The following SLC36A1 variants were observed in gnomAD, a reference collection of about 807,000 sequenced individuals.
The protein encoded by SLC36A1 is proton-coupled amino acid transporter 1.
A neutral mutation model predicts 47.5 loss-of-function variants in SLC36A1; 30 were observed. That is an observed-to-expected ratio of 0.63 (90% CI 0.47 to 0.86). SLC36A1 has a LOEUF of 0.86. Ranked by LOEUF, SLC36A1 falls within the 40% of genes least tolerant of loss-of-function variation. The probability of loss-of-function intolerance (pLI) is 0.00; values close to 1 mark genes in which losing one functional copy is unlikely to be tolerated. For synonymous variants in SLC36A1, 255 were observed against 249.7 expected (o/e 1.02, Z -0.20); for missense variants, 517 against 606.0 (o/e 0.85, Z 1.54).
chr5:151,542,892 G>A, the SLC36A1 span: 1 of 1,614,158 alleles, frequency 6.2e-7, no homozygotes, highest in East Asian at 2.2e-5. Flanking sequence ...TGACCCCTGT[G>A]TCTGGGTCTA....
the SLC36A1 span, chr5:151,381,001 G>A: frequency 1.0e-5 from 4 of 386,684 alleles, no homozygotes; most frequent in South Asian, 8.8e-5. Context: ...GAGGGGCCAG[G>A]CTGACAGACT....
the SLC36A1 span, among the ~76,000 whole-genome samples, chr5:151,357,336 G>A: frequency 6.6e-6 from 1 of 152,232 alleles, no homozygotes; most frequent in Non-Finnish European, 1.5e-5. Flanking sequence ...ACCCATCATT[G>A]TTCTTGGCAC....
At position 151,463,633 on chromosome 5, in the gene SLC36A1, C is replaced by A. The variant is rs767489274; in HGVS notation, c.224C>A (p.Ala75Glu). ...LLGLPLAVKNAGIVMGPISLL... is the reference protein window; with the variant it reads ...LLGLPLAVKNEGIVMGPISLL... Reference sequence around the variant, plus strand: ...GGACTCCCTCTGGCGGTGAAAAATGCAGGCATCGTGGTAAGGGTCTGCATC... The same window carrying A: ...GGACTCCCTCTGGCGGTGAAAAATGAAGGCATCGTGGTAAGGGTCTGCATC... The change falls in exon 3 of 11, where the codon GCA becomes GAA. Residue 75 changes from alanine to glutamate, a missense_variant. By Grantham distance (107) the Ala-to-Glu change is moderately radical. Coordinates refer to ENST00000243389, the MANE Select transcript of SLC36A1 (RefSeq NM_078483.4). 1.9e-6 allele frequency: 3 copies of A among 1,613,978 alleles called. No individual in the cohort carries two copies. In the East Asian group the frequency reaches 6.7e-5, roughly 36 times the overall value.
chr5:151,394,136 G>T, the SLC36A1 span, among the ~76,000 whole-genome samples: 1 of 151,996 alleles, frequency 6.6e-6, no homozygotes, highest in Middle Eastern at 3.4e-3. Flanking sequence ...TTCTCTTCTC[G>T]CTTCATTTCA....
intron 10 of SLC36A1, chr5:151,479,795 T>G: frequency 3.8e-6 from 2 of 530,010 alleles, no homozygotes; most frequent in Non-Finnish European, 6.6e-6. Context: ...TTAAATAAGG[T>G]AAAGGTCTGA....
downstream of SLC36A1, among the ~76,000 whole-genome samples, chr5:151,494,621 CA>C (rs1418108536): frequency 1.3e-5 from 2 of 152,180 alleles, no homozygotes; most frequent in Non-Finnish European, 2.9e-5. Context: ...CATGTTGTTA[CA>C]TGTATCTGTA....
At chr5:151,492,651 C>A (rs1760211875), downstream of SLC36A1, among the ~76,000 whole-genome samples, 2 of 152,194 alleles carry the variant, frequency 1.3e-5, no homozygotes, top group African/African-American at 2.4e-5. Flanking sequence ...CCTCTCCTTG[C>A]ATAGCAGATG....
At chr5:151,468,301 T>TATAAATAAAAA (rs1554113588) in intron 7 of SLC36A1, among the ~76,000 whole-genome samples, 14 of 93,400 alleles carry the variant, frequency 1.5e-4, no homozygotes, top group African/African-American at 5.2e-4. Flanking sequence ...ATATTTTATA[T>TATAAATAAAAA]ATATATATTT....
chr5:151,455,070 G>T (rs1581081451), intron 1 of SLC36A1, among the ~76,000 whole-genome samples: 1 of 152,086 alleles, frequency 6.6e-6, no homozygotes, highest in African/African-American at 2.4e-5. Flanking sequence ...GCCTGGAAGA[G>T]AACACATTAT....
At chr5:151,521,231 G>A in the SLC36A1 span, 6 of 1,542,174 alleles carry the variant, frequency 3.9e-6, no homozygotes, top group Non-Finnish European at 4.4e-6. Flanking sequence ...CAGGCGGGCT[G>A]AGCCCAGCAG....
the SLC36A1 span, chr5:151,506,032 G>A: frequency 1.3e-6 from 2 of 1,569,076 alleles, no homozygotes; most frequent in Non-Finnish European, 1.7e-6. Context: ...ACTTCGGAGT[G>A]GGGGTATTCC....
the SLC36A1 span, among the ~76,000 whole-genome samples, chr5:151,385,715 A>G: frequency 6.6e-6 from 1 of 152,150 alleles, no homozygotes; most frequent in Non-Finnish European, 1.5e-5. Context: ...AAAAAAAACA[A>G]TAAAACAAAA....
the SLC36A1 span, chr5:151,543,491 C>T: frequency 6.2e-7 from 1 of 1,614,176 alleles, no homozygotes; most frequent in South Asian, 1.1e-5. Flanking sequence ...GTTGAATTTT[C>T]CCGATCCAGT....
the SLC36A1 span, among the ~76,000 whole-genome samples, chr5:151,550,242 C>A: frequency 1.3e-5 from 2 of 152,160 alleles, no homozygotes; most frequent in Non-Finnish European, 2.9e-5. Flanking sequence ...TGACCCTAGT[C>A]CTTGCTCTCA....
upstream of SLC36A1, among the ~76,000 whole-genome samples, chr5:151,435,925 A>G (rs1759748239): frequency 6.6e-6 from 1 of 152,106 alleles, no homozygotes. Context: ...CAGAAAGTTT[A>G]AAGTAAAAGG....
chr5:151,370,935 G>A, the SLC36A1 span, among the ~76,000 whole-genome samples: 21,417 of 152,142 alleles, frequency 0.14, 4,223 homozygotes, highest in African/African-American at 0.44. Context: ...GGAGGTTGCA[G>A]TGAGCCAAGA....
At chr5:151,363,875 T>G in the SLC36A1 span, among the ~76,000 whole-genome samples, 4 of 152,300 alleles carry the variant, frequency 2.6e-5, no homozygotes, top group South Asian at 8.3e-4. Context: ...ACTGGAGAGA[T>G]GAACTACTGA....
At chr5:151,482,063 T>C (rs367811015) in intron 10 of SLC36A1, among the ~76,000 whole-genome samples, 1 of 152,344 alleles carries the variant, frequency 6.6e-6, no homozygotes. Context: ...TTTCTGAAGA[T>C]ATAATTACCT....
intron 8 of SLC36A1, among the ~76,000 whole-genome samples, chr5:151,475,277 G>A (rs1381111942): frequency 6.6e-6 from 1 of 152,162 alleles, no homozygotes; most frequent in African/African-American, 2.4e-5. Context: ...GCATCCTAAG[G>A]GACCTTGTGC....
Sources: gnomAD v4.1 joint callset for allele counts (sites outside exome capture counted in the v4.1 genomes callset) on GRCh38, gnomAD v4.1.1 for gene constraint, MANE v1.5 for transcripts, NCBI Gene and HGNC (gene_info 2026-07-23, HGNC 2026-07-21) for gene names.